Variants in EPHA8 observed in about 807,000 individuals in gnomAD.
The protein encoded by EPHA8 is ephrin type-A receptor 8.
A neutral mutation model predicts 103.6 loss-of-function variants in EPHA8; 58 were observed. That is an observed-to-expected ratio of 0.56 (90% CI 0.45 to 0.70). The LOEUF (loss-of-function observed/expected upper bound fraction) is 0.70. Ranked by LOEUF, EPHA8 falls within the 30% of genes least tolerant of loss-of-function variation. The probability of loss-of-function intolerance (pLI) is 0.00; values close to 1 mark genes in which losing one functional copy is unlikely to be tolerated. For missense variants in EPHA8, 1,304 were observed against 1,395.2 expected (o/e 0.93, Z 1.04); for synonymous variants, 559 against 572.5 (o/e 0.98, Z 0.34).
intron 3 of EPHA8, among the ~76,000 whole-genome samples, chr1:22,579,082 T>C (rs1557562329): frequency 7.8e-6 from 1 of 127,954 alleles, no homozygotes; most frequent in African/African-American, 3.0e-5. Flanking sequence ...TGTGCATGTG[T>C]ACGTGCATGT....
chr1:22,564,189 A>G (rs1285863223), intron 1 of EPHA8, among the ~76,000 whole-genome samples: 1 of 150,420 alleles, frequency 6.6e-6, no homozygotes, highest in Non-Finnish European at 1.5e-5. Context: ...CAGAGGGCAG[A>G]AGGCAAAGGG....
In EPHA8 at chr1:22,563,610, CCCCG is replaced by C. The variant is rs1050465480; in HGVS notation, c.-17_-14del. 1.6e-5 allele frequency: 2 copies of C among 123,892 alleles called. No individual in the cohort carries two copies. The highest frequency in any genetic ancestry group is 7.6e-5 in the Admixed American group (1 of 13,242). 7.7% of individuals were successfully genotyped at this position (123,892 alleles called of 1,614,324 possible). A position where few individuals can be genotyped will look rare whatever the true frequency, so the allele number is the denominator to read the frequency against. ...GGCCAAGCCCGAGGGTGCGTGGCGC[CCCCG>C]CCCGCCCGGCCCGGCCCGGCCATGG... On this transcript the variant is annotated 5_prime_UTR_variant, in exon 1 of 17. Transcript: ENST00000166244. This position sits in a 1 kb window ranked among gnomAD's most constrained non-coding sequence, Gnocchi z 4.4.
chr1:22,593,664 G>T lies in EPHA8; in HGVS notation c.1581G>T (p.Met527Ile), dbSNP rs762703677. The change falls in exon 7 of 17, where the codon ATG becomes ATT. Residue 527 changes from methionine (M) to isoleucine (I), a missense_variant. Coordinates refer to ENST00000166244, the MANE Select transcript of EPHA8 (RefSeq NM_020526.5). ...GCTGTGGCCGCTTCAGCCAGGCCAT[G>T]GAGGTGGAGACCGGGAAACCCCGTG... ...SAGCGRFSQA[M>I]EVETGKPRPR... The T allele has an allele frequency of 6.2e-6, 10 of 1,601,608 alleles. No homozygotes were observed. The African/African-American group carries it at 1.2e-4, about 19-fold the overall frequency.
rs961257266 is a variant in EPHA8 at position 22,598,738 on chromosome 1, C to G, written c.2179-100C>G. On this transcript the variant is annotated intron_variant, in intron 12 of 16. Transcript: ENST00000166244. This position sits in a 1 kb window ranked among gnomAD's most constrained non-coding sequence, Gnocchi z 5.1. ...GCGCACTTGGCAAATTGCAAAGCACCGTCTCAACTCGAGAGCATCCTACAG... is the reference window on the plus strand; with the variant it reads ...GCGCACTTGGCAAATTGCAAAGCACGGTCTCAACTCGAGAGCATCCTACAG... The G allele has an allele frequency of 8.2e-7, 1 of 1,226,134 alleles. No homozygotes were observed. Among genetic ancestry groups the G allele is most frequent in the Non-Finnish European group, 1.1e-6 (1 of 872,814 alleles). 76.0% of individuals were successfully genotyped at this position (1,226,134 alleles called of 1,614,324 possible).
rs770594858 is a variant in EPHA8 at position 22,566,624 on chromosome 1, G to C, written c.95-2665G>C. On this transcript the variant is annotated intron_variant, in intron 1 of 16. Coordinates refer to ENST00000166244, the MANE Select transcript of EPHA8 (RefSeq NM_020526.5). Reference sequence around the variant, plus strand: ...TAGGAGACCATGGAGTCCGATCCCCGTGTTTGGTAAGCGGGGAGATGGGCC... The same window carrying C: ...TAGGAGACCATGGAGTCCGATCCCCCTGTTTGGTAAGCGGGGAGATGGGCC... 4.6e-5 allele frequency among the ~76,000 whole-genome samples: 7 copies of C among 152,304 alleles called. No homozygotes were observed. In the East Asian group the frequency reaches 1.4e-3, roughly 29 times the overall value.
At chr1:22,599,383 G>A (rs1268387392) in intron 13 of EPHA8, among the ~76,000 whole-genome samples, 1 of 152,070 alleles carries the variant, frequency 6.6e-6, no homozygotes, top group Non-Finnish European at 1.5e-5. Flanking sequence ...AAACCCAGCT[G>A]TTTTCAAACA....
chr1:22,593,268 G>A, intron 5 of EPHA8, 58 bp from the exon 6 acceptor site: 1 of 1,532,846 alleles, frequency 6.5e-7, no homozygotes. Context: ...GGGAAGGGTT[G>A]GGAGAGAGGC....
intron 2 of EPHA8, among the ~76,000 whole-genome samples, chr1:22,575,017 C>T (rs1252310934): frequency 6.6e-6 from 1 of 152,176 alleles, no homozygotes; most frequent in Admixed American, 6.5e-5. Flanking sequence ...GTAGTGCGAT[C>T]TTGGCTCACT....
chr1:22,574,081 C>T (rs1288878537), intron 2 of EPHA8, among the ~76,000 whole-genome samples: 1 of 152,220 alleles, frequency 6.6e-6, no homozygotes, highest in East Asian at 1.9e-4. Flanking sequence ...CGGGTTCACG[C>T]CATTCTCCTG....
chr1:22,570,628 C>G (rs1448800994), intron 2 of EPHA8, among the ~76,000 whole-genome samples: 2 of 115,608 alleles, frequency 1.7e-5, no homozygotes, highest in Non-Finnish European at 3.5e-5. Flanking sequence ...AGACACGGCC[C>G]CACTTCTCTC....
At position 22,600,708 on chromosome 1, in the gene EPHA8, C is replaced by T; in HGVS notation, c.2436C>T (p.Phe812=). Reference sequence around the variant, plus strand: ...GGACGGCCCCAGAGGCCATCGCCTTCCGCACCTTCTCCTCGGCCAGCGACG... The same window carrying T: ...GGACGGCCCCAGAGGCCATCGCCTTTCGCACCTTCTCCTCGGCCAGCGACG... ...IRWTAPEAIA[F]RTFSSASDVW... Residue 812 remains phenylalanine, a synonymous_variant, in exon 14 of 17, where the codon TTC becomes TTT. Transcript: ENST00000166244. 6.2e-7 allele frequency: 1 copy of T among 1,613,678 alleles called. No homozygotes were observed.
At position 22,598,749 on chromosome 1, in the gene EPHA8, G is replaced by A. The variant is rs1265189481; in HGVS notation, c.2179-89G>A. On this transcript the variant is annotated intron_variant, in intron 12 of 16. Transcript: ENST00000166244. The surrounding 1 kb of genome is among the most constrained non-coding windows in gnomAD (Gnocchi z 5.1). ...AAATTGCAAAGCACCGTCTCAACTC[G>A]AGAGCATCCTACAGATGGGAGGTGT... The A allele has an allele frequency of 3.7e-6, 5 of 1,367,398 alleles. No individual in the cohort carries two copies. The highest frequency in any genetic ancestry group is 2.4e-5 in the East Asian group (1 of 41,666). The allele number at this position is 1,367,398 out of a possible 1,614,324, so 84.7% of individuals were successfully genotyped here. A position where few individuals can be genotyped will look rare whatever the true frequency, so the allele number is the denominator to read the frequency against.
At chr1:22,584,293 C>G (rs1370609198) in intron 3 of EPHA8, among the ~76,000 whole-genome samples, 2 of 152,300 alleles carry the variant, frequency 1.3e-5, no homozygotes, top group South Asian at 2.1e-4. Context: ...CTCACGACTC[C>G]GAGCTCCTAG....
chr1:22,601,518 G>GT (rs954388713), intron 16 of EPHA8, 45 bp downstream of exon 16: 1 of 1,605,214 alleles, frequency 6.2e-7, no homozygotes, highest in African/African-American at 1.3e-5. Flanking sequence ...TGGGGGCAGG[G>GT]GGGGGGACCC....
chr1:22,589,017 T>C lies in EPHA8; in HGVS notation c.1126T>C (p.Cys376Arg). Reference sequence around the variant, plus strand: ...CCGCTGCCCCTGGGCACTGAGCCGCTGCGAGGCATGTGGGAGCGGCACCCG... The same window carrying C: ...CCGCTGCCCCTGGGCACTGAGCCGCCGCGAGGCATGTGGGAGCGGCACCCG... ...CRRCPWALSR[C>R]EACGSGTRFV... The change falls in exon 5 of 17, where the codon TGC becomes CGC. Residue 376 changes from cysteine to arginine, a missense_variant. Transcript: ENST00000166244. The surrounding 1 kb of genome is among the most constrained non-coding windows in gnomAD (Gnocchi z 4.3). 1 of 1,612,970 alleles carries C rather than the reference T, an allele frequency of 6.2e-7. No homozygotes were observed. Among genetic ancestry groups the C allele is most frequent in the Non-Finnish European group, 8.5e-7 (1 of 1,179,592 alleles).
In EPHA8 at chr1:22,576,706, G is replaced by C; in HGVS notation, c.649G>C (p.Ala217Pro). 1 of 1,613,928 alleles carries C rather than the reference G, an allele frequency of 6.2e-7. No homozygotes were observed. Among genetic ancestry groups the C allele is most frequent in the East Asian group, 2.2e-5 (1 of 44,890 alleles). The change falls in exon 3 of 17, where the codon GCA becomes CCA. Residue 217 changes from alanine (A) to proline (P), a missense_variant. Transcript: ENST00000166244. This position sits in a 1 kb window ranked among gnomAD's most constrained non-coding sequence, Gnocchi z 4.8. ...GCGCAATCTGGCTGCCTTCTCGGAG[G>C]CAGTGACGGGGGCCGACTCGTCCTC... ...MVRNLAAFSE[A>P]VTGADSSSLV... is the part of the protein sequence containing the mutation.
rs1419094228 is a variant in EPHA8 at position 22,593,301 on chromosome 1, C to A, written c.1316-25C>A. 5 of 1,549,356 alleles carry A rather than the reference C, an allele frequency of 3.2e-6. No individual in the cohort carries two copies. The African/African-American group carries it at 6.8e-5, about 21-fold the overall frequency. On this transcript the variant is annotated intron_variant, in intron 5 of 16. Transcript: ENST00000166244. ...GGCCACGCCTTGTCTCCCCTCCGCC[C>A]ATCTGACGGGATTGGCCGCCCCAGC...
intron 3 of EPHA8, among the ~76,000 whole-genome samples, chr1:22,579,131 A>C (rs1201467321): frequency 8.2e-6 from 1 of 122,580 alleles, no homozygotes; most frequent in Non-Finnish European, 1.9e-5. Flanking sequence ...GTATGTGTGC[A>C]TGTGTGTGTG....
At chr1:22,600,511 C>T in intron 13 of EPHA8, 150 bp from the exon 14 acceptor site, 7 of 1,089,112 alleles carry the variant, frequency 6.4e-6, no homozygotes, top group Admixed American at 2.4e-5. Context: ...GTGAGGCCTC[C>T]CTCAGGACAG....
Sources: allele counts gnomAD v4.1 joint callset (sites outside exome capture counted in the v4.1 genomes callset), GRCh38; gene constraint gnomAD v4.1.1; non-coding constraint Gnocchi (gnomAD v3.1); transcripts MANE v1.5; gene names NCBI Gene and HGNC (gene_info 2026-07-23, HGNC 2026-07-21).